KIAA0753: variants seen among roughly 807,000 people sequenced by gnomAD.
KIAA0753 encodes the protein KIAA0753, also known as protein moonraker.
KIAA0753 carries 114 observed loss-of-function variants against 116.9 expected under a neutral mutation model. That is an observed-to-expected ratio of 0.98 (90% CI 0.84 to 1.14). The LOEUF (loss-of-function observed/expected upper bound fraction) is 1.14, where lower values mean the gene tolerates loss of function less well. KIAA0753 is among the 50% of genes most tolerant of loss of function. The pLI is 0.00. For missense variants in KIAA0753, 1,156 were observed against 1,172.4 expected, an observed-to-expected ratio of 0.99 and a Z score of 0.20; for synonymous variants, 405 against 413.1, an observed-to-expected ratio of 0.98 and a Z score of 0.24.
At chr17:6,601,030 T>A (rs1281186947) in intron 12 of KIAA0753, 2 of 153,706 alleles carry the variant, frequency 1.3e-5, no homozygotes, top group African/African-American at 4.8e-5. Flanking sequence ...TCGGGCACAT[T>A]CAGGGTGGTA....
chr17:6,582,714 T>A (rs570361718), intron 18 of KIAA0753, among the ~76,000 whole-genome samples: 1 of 152,240 alleles, frequency 6.6e-6, no homozygotes, highest in South Asian at 2.1e-4. Flanking sequence ...TTAAACTACA[T>A]TTGCTCTTCT....
At chr17:6,583,503 C>T (rs1341672266) in intron 18 of KIAA0753, among the ~76,000 whole-genome samples, 1 of 152,072 alleles carries the variant, frequency 6.6e-6, no homozygotes. Flanking sequence ...TTCTTACCTC[C>T]TCTATGTCCC....
At chr17:6,634,945 C>A in intron 2 of KIAA0753, 66 bp downstream of exon 2, 1 of 1,075,482 alleles carries the variant, frequency 9.3e-7, no homozygotes, top group Non-Finnish European at 1.4e-6. Context: ...TGTTCACTGT[C>A]CTTTTCTTTC....
At chr17:6,628,838 G>C in intron 2 of KIAA0753, 97 bp from the exon 3 acceptor site, 1 of 1,198,100 alleles carries the variant, frequency 8.3e-7, no homozygotes, top group Non-Finnish European at 1.1e-6. Flanking sequence ...TTTGCCACCA[G>C]ATCATTAGTG....
chr17:6,598,376 G>C (rs1054314640), intron 14 of KIAA0753, among the ~76,000 whole-genome samples: 1 of 152,158 alleles, frequency 6.6e-6, no homozygotes, highest in African/African-American at 2.4e-5. Flanking sequence ...GTACGATAAA[G>C]TTATAATCAC....
intron 3 of KIAA0753, among the ~76,000 whole-genome samples, chr17:6,625,751 G>C (rs937422754): frequency 1.3e-5 from 2 of 152,106 alleles, no homozygotes; most frequent in African/African-American, 4.8e-5. Flanking sequence ...TTCTGAGGCA[G>C]AGTCTCACAC....
Position 6,579,375 on chromosome 17 carries a change from C to A in KIAA0753, c.*372G>T, listed in dbSNP as rs546099775. The A allele has an allele frequency of 1.1e-5, 2 of 175,170 alleles. No homozygotes were observed. The highest frequency in any genetic ancestry group is 2.9e-4 in the East Asian group (2 of 6,788). 10.9% of individuals were successfully genotyped at this position (175,170 alleles called of 1,614,324 possible). On this transcript the variant is annotated 3_prime_UTR_variant, in exon 19 of 19. Transcript: ENST00000361413. Reference sequence around the variant, plus strand: ...ATCAATGCCAGCAAGGGTTCAACAGCAACCTGAATCCTTGTGTGAAATATA... The same window carrying A: ...ATCAATGCCAGCAAGGGTTCAACAGAAACCTGAATCCTTGTGTGAAATATA...
At chr17:6,626,165 G>T (rs1172711857) in intron 3 of KIAA0753, among the ~76,000 whole-genome samples, 1 of 152,072 alleles carries the variant, frequency 6.6e-6, no homozygotes, top group Non-Finnish European at 1.5e-5. Context: ...AATTGTTTCT[G>T]GAAAACTGTT....
At chr17:6,631,816 A>C (rs1009517155) in intron 2 of KIAA0753, among the ~76,000 whole-genome samples, 1 of 152,230 alleles carries the variant, frequency 6.6e-6, no homozygotes, top group African/African-American at 2.4e-5. Context: ...TGAAGAATCA[A>C]AGTCTCCTTG....
chr17:6,634,094 TC>T (rs1354210571), intron 2 of KIAA0753, among the ~76,000 whole-genome samples: 2 of 141,846 alleles, frequency 1.4e-5, no homozygotes, highest in Non-Finnish European at 1.5e-5. Context: ...CAGGGTGAAT[TC>T]TTTTTTTTTT....
intron 18 of KIAA0753, among the ~76,000 whole-genome samples, chr17:6,588,546 C>A (rs549556249): frequency 2.6e-5 from 4 of 152,100 alleles, no homozygotes; most frequent in East Asian, 1.9e-4. Flanking sequence ...TACTTTTGAT[C>A]CAGACAAAAA....
intron 7 of KIAA0753, among the ~76,000 whole-genome samples, chr17:6,616,036 GGAA>G (rs1970906205): frequency 2.0e-5 from 3 of 152,074 alleles, no homozygotes; most frequent in Admixed American, 2.0e-4. Context: ...AAATCAGAAT[GGAA>G]GAATAGGGTA....
rs768254512 is a variant in KIAA0753, at chr17:6,596,242, C to T, written c.2274G>A (p.Leu758=). Residue 758 remains leucine, a synonymous_variant, in exon 15 of 19, where the codon TTG becomes TTA. Coordinates refer to ENST00000361413, the MANE Select transcript of KIAA0753 (RefSeq NM_014804.3). ...ELWAVTHAKI[L]GSETLATVED... ...CAACGGTGGCTAAGGTTTCAGACCC[C>T]AAGATCTTAGCATGAGTCACAGCCC... is the stretch of plus-strand genomic sequence containing the variant. The T allele has an allele frequency of 6.2e-7, 1 of 1,613,768 alleles. No individual in the cohort carries two copies. Among genetic ancestry groups the T allele is most frequent in the Non-Finnish European group, 8.5e-7 (1 of 1,179,838 alleles).
chr17:6,626,621 C>A (rs1028437954), intron 3 of KIAA0753, among the ~76,000 whole-genome samples: 3 of 151,404 alleles, frequency 2.0e-5, no homozygotes, highest in Non-Finnish European at 4.4e-5. Flanking sequence ...AATGGGCCTT[C>A]GGGGCTACTT....
intron 2 of KIAA0753, among the ~76,000 whole-genome samples, chr17:6,634,139 G>A (rs965960432): frequency 7.3e-6 from 1 of 136,288 alleles, no homozygotes; most frequent in Non-Finnish European, 1.5e-5. Context: ...GTCTCGCTCT[G>A]TCACCCAGGG....
At chr17:6,620,745 T>G (rs369508769) in intron 7 of KIAA0753, 43 bp downstream of exon 7, 14 of 1,583,644 alleles carry the variant, frequency 8.8e-6, no homozygotes, top group Non-Finnish European at 1.2e-5. Context: ...CAGATAATTG[T>G]AATGAATAAA....
intron 2 of KIAA0753, among the ~76,000 whole-genome samples, chr17:6,630,583 T>C (rs904165884): frequency 4.6e-5 from 7 of 152,140 alleles, no homozygotes; most frequent in Non-Finnish European, 8.8e-5. Context: ...CTTCTAGGAA[T>C]TTACCCTGTA....
chr17:6,636,177 A>T (rs1424046214), intron 1 of KIAA0753: 2 of 152,186 alleles, frequency 1.3e-5, no homozygotes, highest in African/African-American at 4.8e-5. Flanking sequence ...TTTGCAGACT[A>T]GATTTGCTTA....
Position 6,599,300 on chromosome 17 carries a change from T to C in KIAA0753, c.2109A>G (p.Glu703=). ...VKAQRVNSTT[E]ANIHLKDGSS... Reference sequence around the variant, plus strand: ...AGCCATCTTTCAAATGAATATTTGCTTCTGTAGTAGAATTGACTCTCTATT... The same window carrying C: ...AGCCATCTTTCAAATGAATATTTGCCTCTGTAGTAGAATTGACTCTCTATT... The change falls in exon 14 of 19, where the codon GAA becomes GAG. Residue 703 remains glutamate, a synonymous_variant. Coordinates refer to ENST00000361413, the MANE Select transcript of KIAA0753 (RefSeq NM_014804.3). 6.2e-7 allele frequency: 1 copy of C among 1,613,116 alleles called. No individual in the cohort carries two copies. The highest frequency in any genetic ancestry group is 8.5e-7 in the Non-Finnish European group (1 of 1,179,138).
Sources: gnomAD v4.1 joint callset for allele counts (sites outside exome capture counted in the v4.1 genomes callset) on GRCh38, gnomAD v4.1.1 for gene constraint, MANE v1.5 for transcripts, NCBI Gene and HGNC (gene_info 2026-07-23, HGNC 2026-07-21) for gene names.